The following PDE4DIP variants were observed in gnomAD, a reference collection of about 807,000 sequenced individuals.
PDE4DIP encodes the protein myomegalin.
In PDE4DIP, 59 loss-of-function variants were observed where a neutral mutation model predicts 221.4. That is an observed-to-expected ratio of 0.27 (90% confidence interval 0.22 to 0.33). The LOEUF (loss-of-function observed/expected upper bound fraction) is 0.33. Ranked by LOEUF, PDE4DIP falls within the 10% of genes least tolerant of loss-of-function variation. The pLI is 1.00. For synonymous variants in PDE4DIP, 404 were observed against 815.9 expected (o/e 0.50, Z 8.60); for missense variants, 1,036 against 2,154.2 (o/e 0.48, Z 10.28).
exon 19 of PDE4DIP, chr1:148,978,404 C>A: frequency 1.9e-6 from 3 of 1,602,558 alleles, no homozygotes; most frequent in Non-Finnish European, 2.6e-6. Context: ...TTCAGGAAAC[C>A]GAAGACAACA....
intron 37 of PDE4DIP, among the ~76,000 whole-genome samples, chr1:149,022,660 A>G (rs1553621022): frequency 2.0e-5 from 3 of 151,586 alleles, no homozygotes; most frequent in Non-Finnish European, 4.4e-5. Flanking sequence ...TGGAGTGAGA[A>G]GTCAGGATGG....
intron 1 of PDE4DIP, among the ~76,000 whole-genome samples, chr1:148,912,149 T>A (rs2042891889): frequency 6.9e-6 from 1 of 145,680 alleles, no homozygotes; most frequent in Non-Finnish European, 1.5e-5. Context: ...AACATGACAG[T>A]TACCAGTGCA....
In PDE4DIP at chr1:148,843,612, A is replaced by G. The variant is rs3806378; in HGVS notation, c.234-19638A>G. Among the ~76,000 whole-genome samples, 22 of 71,942 alleles carry G rather than the reference A, an allele frequency of 3.1e-4. 3 individuals are homozygous for G. The East Asian group carries it at 8.5e-3, about 28-fold the overall frequency. The allele number at this position is 71,942 out of a possible 152,430, so 47.2% of individuals were successfully genotyped here. On this transcript the variant is annotated intron_variant, in intron 1 of 45. Coordinates refer to the PDE4DIP transcript ENST00000524974. ...TCATTTAATAAAACGGTCTTATTTG[A>G]AAGCTAAAAAGGAGCTTCAGGGTGG...
intron 37 of PDE4DIP, among the ~76,000 whole-genome samples, chr1:149,022,097 G>A (rs587685647): frequency 2.0e-5 from 3 of 149,944 alleles, no homozygotes; most frequent in Non-Finnish European, 4.4e-5. Flanking sequence ...GGACATGAGG[G>A]TTTGGGGTTT....
Position 148,898,834 on chromosome 1 carries a change from CT to C in PDE4DIP, c.141+8950del, listed in dbSNP as rs1167311437. Among the ~76,000 whole-genome samples, 20 of 100,582 alleles carry C rather than the reference CT, an allele frequency of 2.0e-4. 1 individual carries two copies. The highest frequency in any genetic ancestry group is 1.3e-3 in the East Asian group (2 of 1,550). The allele number at this position is 100,582 out of a possible 152,430, so 66.0% of individuals were successfully genotyped here. A position where few individuals can be genotyped will look rare whatever the true frequency, so the allele number is the denominator to read the frequency against. Reference sequence around the variant, plus strand: ...ACCATGCCTGGAAAATCCAGAAATTCTTTTTTTTTTACTTTGAGACAGAGTC... The same window carrying C: ...ACCATGCCTGGAAAATCCAGAAATTCTTTTTTTTTACTTTGAGACAGAGTC... On this transcript the variant is annotated intron_variant, in intron 1 of 43. Coordinates refer to ENST00000369354, the Ensembl canonical transcript of PDE4DIP.
rs1210046255 is a variant in PDE4DIP, at chr1:148,981,296, T to C, written c.2714T>C (p.Val905Ala). 3.1e-6 allele frequency: 5 copies of C among 1,613,514 alleles called. No homozygotes were observed. The East Asian group carries it at 8.9e-5, about 29-fold the overall frequency. The change falls in exon 21 of 44, where the codon GTG becomes GCG. Residue 905 changes from valine to alanine, a missense_variant. By Grantham distance (64) the Val-to-Ala change is moderately conservative (BLOSUM62 0). Transcript: ENST00000369354. Reference sequence around the variant, plus strand: ...TCTGAGAGAGACCGAACTCTGCAGGTGGAACTGGAAGGGGCTCAGGTGTTA... The same window carrying C: ...TCTGAGAGAGACCGAACTCTGCAGGCGGAACTGGAAGGGGCTCAGGTGTTA...
At chr1:148,838,976 A>G (rs1277939426) in intron 1 of PDE4DIP, among the ~76,000 whole-genome samples, 1 of 14,292 alleles carries the variant, frequency 7.0e-5, no homozygotes, top group East Asian at 1.2e-3. Context: ...AGTCATTGCC[A>G]TTTGTTTTCA....
At chr1:149,015,673 A>G (rs2070259990) in intron 32 of PDE4DIP, among the ~76,000 whole-genome samples, 1 of 150,680 alleles carries the variant, frequency 6.6e-6, no homozygotes, top group Non-Finnish European at 1.5e-5. Flanking sequence ...GACAGGAGTG[A>G]TGACATTTTG....
intron 43 of PDE4DIP, 143 bp from the exon 47 acceptor site, chr1:149,031,801 G>A (rs78482352): frequency 6.4e-5 from 48 of 748,892 alleles, no homozygotes; most frequent in Admixed American, 8.1e-5. Flanking sequence ...AGACTGCAGC[G>A]CATGCTCTTA....
exon 32 of PDE4DIP, chr1:149,012,718 G>T (rs146498452): frequency 6.2e-7 from 1 of 1,613,484 alleles, no homozygotes; most frequent in African/African-American, 1.3e-5. Flanking sequence ...AGACACCAGT[G>T]GTCTCCTTGG....
chr1:148,892,038 C>G (rs1471427724), intron 1 of PDE4DIP, among the ~76,000 whole-genome samples: 2 of 106,208 alleles, frequency 1.9e-5, no homozygotes, highest in African/African-American at 8.4e-5. Flanking sequence ...GACAGAGTCT[C>G]ACTCTGTCGC....
Position 149,010,546 on chromosome 1 carries a change from C to G in PDE4DIP, c.5031C>G (p.Ser1677Arg), listed in dbSNP as rs376422095. The G allele has an allele frequency of 3.7e-6, 6 of 1,613,974 alleles. No homozygotes were observed. In the African/African-American group the frequency reaches 8.0e-5, roughly 22 times the overall value. The change falls in exon 31 of 44, where the codon AGC (serine) becomes AGG (arginine). Residue 1677 changes from serine to arginine, a missense_variant. Ser to Arg is a moderately radical substitution (Grantham distance 110, BLOSUM62 -1). Transcript: ENST00000369354. Reference sequence around the variant, plus strand: ...CCGAATCCAACAGCAACCCCATCAGCTTGCCAACTCCCCAGAATACCCCCA... The same window carrying G: ...CCGAATCCAACAGCAACCCCATCAGGTTGCCAACTCCCCAGAATACCCCCA...
At chr1:148,971,160 G>A (rs1232311387) in intron 14 of PDE4DIP, among the ~76,000 whole-genome samples, 1 of 151,848 alleles carries the variant, frequency 6.6e-6, no homozygotes, top group African/African-American at 2.4e-5. Flanking sequence ...AAGCTGAGTT[G>A]GGTGATTTTG....
At chr1:148,859,873 A>C in intron 1 of PDE4DIP, among the ~76,000 whole-genome samples, 1 of 125,634 alleles carries the variant, frequency 8.0e-6, no homozygotes, top group South Asian at 2.5e-4. Flanking sequence ...GTCTGTCTCT[A>C]CCATACCCCA....
Position 148,931,694 on chromosome 1 carries a change from A to C in PDE4DIP, c.219-106A>C, listed in dbSNP as rs1450000431. The C allele has an allele frequency of 5.2e-6, 5 of 958,604 alleles. No individual in the cohort carries two copies. The East Asian group carries it at 1.2e-4, about 23-fold the overall frequency. The allele number at this position is 958,604 out of a possible 1,614,324, so 59.4% of individuals were successfully genotyped here. A position where few individuals can be genotyped will look rare whatever the true frequency, so the allele number is the denominator to read the frequency against. On this transcript the variant is annotated intron_variant, in intron 2 of 43. Transcript: ENST00000369354. The stretch of plus-strand genomic sequence containing the variant: ...TGTTGGTGGAAATATAAACCAGTTC[A>C]GTCACTGCAGAAAGCAGTTTGGAGA...
chr1:148,995,881 TAAAAA>T (rs1422068794), intron 22 of PDE4DIP, among the ~76,000 whole-genome samples: 1 of 117,140 alleles, frequency 8.5e-6, no homozygotes, highest in Non-Finnish European at 1.9e-5. Context: ...AATAAAAAAA[TAAAAA>T]ATAAAAAAAG....
chr1:149,014,869 G>A (rs1225543619), intron 32 of PDE4DIP, among the ~76,000 whole-genome samples: 1 of 152,164 alleles, frequency 6.6e-6, no homozygotes, highest in Admixed American at 6.5e-5. Context: ...GTGGCCAATG[G>A]ACTGGAACAT....
At chr1:148,951,766 T>A (rs1166356067) in intron 5 of PDE4DIP, among the ~76,000 whole-genome samples, 13 of 152,312 alleles carry the variant, frequency 8.5e-5, no homozygotes, top group Admixed American at 8.5e-4. Flanking sequence ...CTTTTTTATC[T>A]AAAGAAGGGC....
chr1:148,940,301 T>C (rs1415490339), intron 5 of PDE4DIP, among the ~76,000 whole-genome samples: 5 of 150,276 alleles, frequency 3.3e-5, no homozygotes, highest in Admixed American at 1.3e-4. Context: ...GGGGATAATA[T>C]TGCATGACCA....
Sources: gnomAD v4.1 joint callset for allele counts (sites outside exome capture counted in the v4.1 genomes callset) on GRCh38, gnomAD v4.1.1 for gene constraint, MANE v1.5 for transcripts, NCBI Gene and HGNC (gene_info 2026-07-23, HGNC 2026-07-21) for gene names.